Variants in TMEM37 observed in about 807,000 individuals in gnomAD.
TMEM37 encodes transmembrane protein 37.
In TMEM37, 12 loss-of-function variants were observed where a neutral mutation model predicts 11.0. The ratio of observed to expected loss-of-function variants is 1.09; its 90% confidence interval spans 0.70 to 1.76. The LOEUF is 1.76. Among genes scored for constraint, TMEM37 ranks in the 40% most tolerant of loss-of-function variants. The pLI is 0.00. For missense variants in TMEM37, 203 were observed against 251.2 expected, an observed-to-expected ratio of 0.81 and a Z score of 1.30; for synonymous variants, 127 against 110.5, an observed-to-expected ratio of 1.15 and a Z score of -0.94.
Position 119,437,263 on chromosome 2 carries a change from G to C in TMEM37, c.396G>C (p.Leu132=). ...CKWVMGSILL[L]VSFVLSSGGL... is the part of the protein sequence containing the mutation. ...GGGTCATGGGTTCCATCCTCCTCCT[G>C]GTGTCTTTCGTCCTCTCCTCCGGCG... Residue 132 remains leucine (L), a synonymous_variant, in exon 2 of 2, where the codon CTG becomes CTC. Transcript: ENST00000306406. 1 of 1,614,206 alleles carries C rather than the reference G, an allele frequency of 6.2e-7. No individual in the cohort carries two copies. Among genetic ancestry groups the C allele is most frequent in the Non-Finnish European group, 8.5e-7 (1 of 1,180,040 alleles).
At chr2:119,431,143 A>C (rs1467391807), upstream of TMEM37, among the ~76,000 whole-genome samples, 1 of 151,628 alleles carries the variant, frequency 6.6e-6, no homozygotes, top group African/African-American at 2.4e-5. Context: ...GCGCTAGACA[A>C]CGTCCAGAAA....
chr2:119,431,231 T>C (rs1370172955), upstream of TMEM37, among the ~76,000 whole-genome samples: 3 of 152,198 alleles, frequency 2.0e-5, no homozygotes, highest in African/African-American at 7.2e-5. Flanking sequence ...GCATTTTTAA[T>C]AGTCCCTGAG....
rs1338418590 is a variant in TMEM37 at position 119,437,701 on chromosome 2, A to G, written c.*261A>G. The G allele has an allele frequency of 1.9e-6, 1 of 513,092 alleles. No individual in the cohort carries two copies. The highest frequency in any genetic ancestry group is 1.9e-5 in the African/African-American group (1 of 51,652). 31.8% of individuals were successfully genotyped at this position (513,092 alleles called of 1,614,324 possible). On this transcript the variant is annotated 3_prime_UTR_variant, in exon 2 of 2. Transcript: ENST00000306406. ...CTTAGCCAGATGTTGATTTTAGAGGAAGAAAAAAACATTTTAAAACTCCTT... is the reference window on the plus strand; with the variant it reads ...CTTAGCCAGATGTTGATTTTAGAGGGAGAAAAAAACATTTTAAAACTCCTT...
intron 1 of TMEM37, among the ~76,000 whole-genome samples, chr2:119,436,394 G>A (rs1228514557): frequency 1.3e-5 from 2 of 152,166 alleles, no homozygotes; most frequent in East Asian, 3.9e-4. Context: ...AGGTGGGTGG[G>A]GATTAGGACA....
intron 1 of TMEM37, among the ~76,000 whole-genome samples, chr2:119,435,225 T>C (rs1682474155): frequency 6.6e-6 from 1 of 152,222 alleles, no homozygotes; most frequent in Admixed American, 6.5e-5. Context: ...TAGCGGTAGC[T>C]CCTGTGTCTG....
At chr2:119,435,401 C>T (rs1002167184) in intron 1 of TMEM37, among the ~76,000 whole-genome samples, 1 of 152,228 alleles carries the variant, frequency 6.6e-6, no homozygotes. Flanking sequence ...CTGCTCCATT[C>T]TCCTGGGTCC....
At chr2:119,431,646 C>G (rs111253622), upstream of TMEM37, among the ~76,000 whole-genome samples, 6,390 of 116,500 alleles carry the variant, frequency 0.055, 425 homozygotes, top group African/African-American at 0.16. Context: ...GATCCCTCCC[C>G]CCAAGTGCCG....
In TMEM37 at chr2:119,438,423, A is replaced by C. The variant is rs1402873801; in HGVS notation, c.*983A>C. 6.6e-6 allele frequency: 1 copy of C among 152,194 alleles called. No individual in the cohort carries two copies. 9.4% of individuals were successfully genotyped at this position (152,194 alleles called of 1,614,324 possible). A position where few individuals can be genotyped will look rare whatever the true frequency, so the allele number is the denominator to read the frequency against. On this transcript the variant is annotated 3_prime_UTR_variant, in exon 2 of 2. Transcript: ENST00000306406. ...CCCATGCTGGGGATGCATGGAGGTGAAGGGGGCCAGGAACCAGTGGAGATT... is the reference window on the plus strand; with the variant it reads ...CCCATGCTGGGGATGCATGGAGGTGCAGGGGGCCAGGAACCAGTGGAGATT...
At chr2:119,433,377 G>A (rs369786609) in intron 1 of TMEM37, among the ~76,000 whole-genome samples, 8 of 152,350 alleles carry the variant, frequency 5.3e-5, no homozygotes, top group East Asian at 3.9e-4. Flanking sequence ...GAGGCAGGCC[G>A]GCTCATCAGG....
In TMEM37 at chr2:119,437,609, G is replaced by GA; in HGVS notation, c.*169_*170insA. ...GGGTGGTCAGCCAGAAATGGCCCGG[G>GA]GGCCTCTGCACCTGGTCTGCAGGGC... is the stretch of plus-strand genomic sequence containing the variant. On this transcript the variant is annotated 3_prime_UTR_variant, in exon 2 of 2. Transcript: ENST00000306406. The GA allele has an allele frequency of 2.4e-6, 2 of 841,176 alleles. No homozygotes were observed. The highest frequency in any genetic ancestry group is 3.6e-6 in the Non-Finnish European group (2 of 555,424). The allele number at this position is 841,176 out of a possible 1,614,324, so 52.1% of individuals were successfully genotyped here. A position where few individuals can be genotyped will look rare whatever the true frequency, so the allele number is the denominator to read the frequency against.
At chr2:119,429,956 T>C, upstream of TMEM37, 1 of 1,550,584 alleles carries the variant, frequency 6.4e-7, no homozygotes, top group East Asian at 2.4e-5. Flanking sequence ...CTTCTGATTT[T>C]AATTCCAGGC....
chr2:119,437,428 T>A lies in TMEM37; in HGVS notation c.561T>A (p.His187Gln). Residue 187 changes from histidine (H) to glutamine (Q), a missense_variant, in exon 2 of 2, where the codon CAT becomes CAA. Physicochemically the swap from His to Gln is conservative, Grantham distance 24. Transcript: ENST00000306406. ...ISGLHINSIT[H>Q]PWE ...GCCTTCACATCAACAGCATCACCCA[T>A]CCCTGGGAATGACCGTGGAAATTTT... The A allele has an allele frequency of 6.2e-7, 1 of 1,611,616 alleles. No individual in the cohort carries two copies. The highest frequency in any genetic ancestry group is 2.2e-5 in the East Asian group (1 of 44,852).
chr2:119,434,031 G>C (rs1682453253), intron 1 of TMEM37, among the ~76,000 whole-genome samples: 1 of 152,086 alleles, frequency 6.6e-6, no homozygotes, highest in African/African-American at 2.4e-5. Flanking sequence ...CCCTACTTTG[G>C]GGCAGGAGCG....
At chr2:119,434,961 T>C (rs1057006097) in intron 1 of TMEM37, among the ~76,000 whole-genome samples, 5 of 152,228 alleles carry the variant, frequency 3.3e-5, no homozygotes, top group Non-Finnish European at 2.9e-5. Flanking sequence ...CTAGTCAGTA[T>C]TTATTCGCTG....
intron 1 of TMEM37, 109 bp downstream of exon 1, chr2:119,432,033 C>T (rs1333630214): frequency 6.3e-6 from 5 of 795,106 alleles, no homozygotes; most frequent in East Asian, 3.5e-5. Context: ...CGGCGTCGGG[C>T]TGGGGGTGCG....
Position 119,437,138 on chromosome 2 carries a change from G to A in TMEM37, c.271G>A (p.Val91Ile). Residue 91 changes from valine to isoleucine, a missense_variant, in exon 2 of 2, where the codon GTA becomes ATA. Val to Ile is a conservative substitution (Grantham distance 29, BLOSUM62 3). Transcript: ENST00000306406. ...CGGGCTGGCCGTGGGCATGGGCCTG[G>A]TACGCAGCGTGGGCGCCTTGGCCGT... is the stretch of plus-strand genomic sequence containing the variant. The part of the protein sequence containing the change: ...VPGLAVGMGL[V>I]RSVGALAVVA... 1 of 1,614,210 alleles carries A rather than the reference G, an allele frequency of 6.2e-7. No homozygotes were observed. The highest frequency in any genetic ancestry group is 8.5e-7 in the Non-Finnish European group (1 of 1,180,028).
rs373786700 is a variant in TMEM37 at position 119,437,122 on chromosome 2, C to T, written c.255C>T (p.Ala85=). The T allele has an allele frequency of 3.6e-5, 58 of 1,613,846 alleles. 1 individual carries two copies. The highest frequency in any genetic ancestry group is 2.0e-4 in the Admixed American group (12 of 60,012). ...GCCAGGCCCATGTGCCCGGGCTGGC[C>T]GTGGGCATGGGCCTGGTACGCAGCG... ...DLGQAHVPGL[A]VGMGLVRSVG... The change falls in exon 2 of 2, where the codon GCC becomes GCT. Residue 85 remains alanine, a synonymous_variant. Coordinates refer to ENST00000306406, the MANE Select transcript of TMEM37 (RefSeq NM_183240.3).
upstream of TMEM37, among the ~76,000 whole-genome samples, chr2:119,430,968 T>C (rs1682381252): frequency 6.6e-6 from 1 of 152,128 alleles, no homozygotes; most frequent in African/African-American, 2.4e-5. Flanking sequence ...GAAACCCCCG[T>C]CTCTGCTAAA....
intron 1 of TMEM37, among the ~76,000 whole-genome samples, chr2:119,433,623 A>G (rs1014348427): frequency 3.3e-5 from 5 of 152,208 alleles, no homozygotes; most frequent in African/African-American, 1.2e-4. Context: ...AAGTGACCCT[A>G]TTCTATAGGT....
Sources: gnomAD v4.1 joint callset for allele counts (sites outside exome capture counted in the v4.1 genomes callset) on GRCh38, gnomAD v4.1.1 for gene constraint, MANE v1.5 for transcripts, NCBI Gene and HGNC (gene_info 2026-07-23, HGNC 2026-07-21) for gene names.